Variants in DPYSL3 observed in about 807,000 individuals in gnomAD.
DPYSL3 encodes the protein dihydropyrimidinase-related protein 3.
Under a neutral mutation model 66.1 loss-of-function variants are expected in DPYSL3, and 16 were observed. The observed-to-expected ratio is 0.24, with a 90% CI of 0.16 to 0.37. The LOEUF (loss-of-function observed/expected upper bound fraction) is 0.37. DPYSL3 is among the 10% of genes least tolerant of loss of function. The probability of loss-of-function intolerance (pLI) is 1.00; values close to 1 mark genes in which losing one functional copy is unlikely to be tolerated. For synonymous variants in DPYSL3, 338 were observed against 345.1 expected, an observed-to-expected ratio of 0.98 and a Z score of 0.23; for missense variants, 738 against 916.2, an observed-to-expected ratio of 0.81 and a Z score of 2.51.
chr5:147,394,957 C>T (rs1434475932), intron 13 of DPYSL3, among the ~76,000 whole-genome samples: 3 of 152,106 alleles, frequency 2.0e-5, no homozygotes, highest in Non-Finnish European at 2.9e-5. Flanking sequence ...TTATTTTTCT[C>T]CATTTTAAGA....
intron 1 of DPYSL3, among the ~76,000 whole-genome samples, chr5:147,506,751 T>C (rs1178080785): frequency 2.0e-5 from 3 of 152,174 alleles, no homozygotes; most frequent in Non-Finnish European, 2.9e-5. Context: ...CCTTATTTTG[T>C]ACAGGAGAAA....
chr5:147,413,129 G>A (rs1751891440), intron 5 of DPYSL3, among the ~76,000 whole-genome samples: 1 of 152,164 alleles, frequency 6.6e-6, no homozygotes, highest in East Asian at 1.9e-4. Flanking sequence ...CCTCTAAGCA[G>A]GAGGCATGGG....
At chr5:147,449,009 C>T (rs1009646000) in intron 1 of DPYSL3, among the ~76,000 whole-genome samples, 4 of 152,200 alleles carry the variant, frequency 2.6e-5, no homozygotes, top group Non-Finnish European at 4.4e-5. Context: ...ATGCCTTGCA[C>T]AGAGAGAGCT....
intron 1 of DPYSL3, among the ~76,000 whole-genome samples, chr5:147,481,014 G>A (rs968548122): frequency 6.6e-6 from 1 of 151,942 alleles, no homozygotes; most frequent in Non-Finnish European, 1.5e-5. Context: ...GAGCCACCAC[G>A]CCTGGCCATA....
rs2288805 is a variant in DPYSL3, at chr5:147,395,969, G to A, written c.1804-248C>T. 0.013 allele frequency among the ~76,000 whole-genome samples: 1,988 copies of A among 152,244 alleles called. 125 individuals carry two copies. In the East Asian group the frequency reaches 0.19, roughly 14 times the overall value. ...GCTTCGATCAGAAGGATCAAAGGAC[G>A]TTGCTATGGGGTTGGGGTTGCCAGA... On this transcript the variant is annotated intron_variant, in intron 12 of 13. Coordinates refer to ENST00000343218, the MANE Select transcript of DPYSL3 (RefSeq NM_001197294.2).
At chr5:147,416,662 A>C (rs1449701881) in intron 3 of DPYSL3, among the ~76,000 whole-genome samples, 1 of 152,220 alleles carries the variant, frequency 6.6e-6, no homozygotes, top group Non-Finnish European at 1.5e-5. Flanking sequence ...TGAAATATAC[A>C]TAAAAAACCC....
At chr5:147,400,322 C>T (rs1758133725) in intron 10 of DPYSL3, among the ~76,000 whole-genome samples, 1 of 152,080 alleles carries the variant, frequency 6.6e-6, no homozygotes, top group African/African-American at 2.4e-5. Flanking sequence ...AGACTCATTG[C>T]TTATCATTTC....
chr5:147,394,275 T>TA, intron 13 of DPYSL3, 152 bp from the exon 14 acceptor site: 1 of 767,360 alleles, frequency 1.3e-6, no homozygotes, highest in South Asian at 1.8e-5. Context: ...TTCCAGTCTA[T>TA]CAGGTCTTCT....
At position 147,510,015 on chromosome 5, in the gene DPYSL3, T is replaced by A; in HGVS notation, c.-157A>T. On this transcript the variant is annotated 5_prime_UTR_variant, in exon 1 of 14. Transcript: ENST00000343218. ...TGCTGCTCCGATTCCTGCTTGTCCC[T>A]AGCGAGCCAGCGAGCCACACAGCCA... is the stretch of plus-strand genomic sequence containing the variant. 8.0e-7 allele frequency: 1 copy of A among 1,251,996 alleles called. No homozygotes were observed. The highest frequency in any genetic ancestry group is 1.6e-5 in the African/African-American group (1 of 64,236). The allele number at this position is 1,251,996 out of a possible 1,614,324, so 77.6% of individuals were successfully genotyped here. A position where few individuals can be genotyped will look rare whatever the true frequency, so the allele number is the denominator to read the frequency against.
At chr5:147,491,191 T>C (rs1417284078) in intron 1 of DPYSL3, among the ~76,000 whole-genome samples, 1 of 152,164 alleles carries the variant, frequency 6.6e-6, no homozygotes, top group Non-Finnish European at 1.5e-5. Flanking sequence ...AGCTGTCCTT[T>C]CTCATGTAAG....
chr5:147,451,242 C>A lies in DPYSL3; in HGVS notation c.382-26279G>T, dbSNP rs572503675. On this transcript the variant is annotated intron_variant, in intron 1 of 13. Transcript: ENST00000343218. ...TTTTCATCCCCTTGGTTGTTAAAAC[C>A]AATGAATTCAAGGCAGCCTGGTTTG... Among the ~76,000 whole-genome samples the A allele has an allele frequency of 5.3e-5, 8 of 152,310 alleles. No individual in the cohort carries two copies. In the East Asian group the frequency reaches 1.5e-3, roughly 30 times the overall value.
At chr5:147,505,187 C>A (rs1247128797) in intron 1 of DPYSL3, among the ~76,000 whole-genome samples, 1 of 152,044 alleles carries the variant, frequency 6.6e-6, no homozygotes, top group African/African-American at 2.4e-5. Flanking sequence ...AGGTTTGGAA[C>A]CACTATATTA....
intron 1 of DPYSL3, among the ~76,000 whole-genome samples, chr5:147,444,825 C>T (rs994807512): frequency 1.3e-5 from 2 of 152,050 alleles, no homozygotes; most frequent in African/African-American, 4.8e-5. Flanking sequence ...TCTTTTGAAA[C>T]ACACAGACAC....
intron 13 of DPYSL3, 54 bp from the exon 14 acceptor site, chr5:147,394,177 G>T: frequency 1.3e-6 from 2 of 1,573,980 alleles, no homozygotes; most frequent in South Asian, 1.1e-5. Context: ...TGGCGGGTAG[G>T]GGGATGTGGG....
chr5:147,394,685 A>C (rs115793314), intron 13 of DPYSL3, among the ~76,000 whole-genome samples: 4,833 of 151,124 alleles, frequency 0.032, 252 homozygotes, highest in African/African-American at 0.11. Flanking sequence ...ACAACAACAA[A>C]AAAAAAAAGG....
chr5:147,453,362 C>T (rs1444289318), intron 1 of DPYSL3, among the ~76,000 whole-genome samples: 1 of 152,130 alleles, frequency 6.6e-6, no homozygotes, highest in Non-Finnish European at 1.5e-5. Flanking sequence ...TTCCCCAAAC[C>T]CCAGGGTCGC....
At chr5:147,506,974 A>G (rs1285400261) in intron 1 of DPYSL3, among the ~76,000 whole-genome samples, 2 of 152,212 alleles carry the variant, frequency 1.3e-5, no homozygotes, top group African/African-American at 4.8e-5. Context: ...ATGAAATGTG[A>G]GCACACATCA....
intron 1 of DPYSL3, among the ~76,000 whole-genome samples, chr5:147,445,068 A>G (rs1214365354): frequency 1.3e-5 from 2 of 152,212 alleles, no homozygotes; most frequent in African/African-American, 2.4e-5. Flanking sequence ...AGTTTCCTCT[A>G]TATGAAAGAC....
intron 2 of DPYSL3, among the ~76,000 whole-genome samples, chr5:147,419,503 C>T (rs906473805): frequency 5.3e-5 from 8 of 152,200 alleles, no homozygotes; most frequent in Non-Finnish European, 1.2e-4. Flanking sequence ...TTGGCTTATA[C>T]GTGGTATCAC....
Sources: gnomAD v4.1 joint callset for allele counts (sites outside exome capture counted in the v4.1 genomes callset) on GRCh38, gnomAD v4.1.1 for gene constraint, MANE v1.5 for transcripts, NCBI Gene and HGNC (gene_info 2026-07-23, HGNC 2026-07-21) for gene names.